Variants in TMC5 observed in about 807,000 individuals in gnomAD.
TMC5 encodes the protein transmembrane channel like 5, also known as transmembrane channel-like protein 5.
A neutral mutation model predicts 110.5 loss-of-function variants in TMC5; 86 were observed. The ratio of observed to expected loss-of-function variants is 0.78; its 90% CI spans 0.65 to 0.93. The LOEUF is 0.93. Among genes scored for constraint, TMC5 ranks in the 40% least tolerant of loss-of-function variants. The pLI is 0.00. For synonymous variants in TMC5, 455 were observed against 439.5 expected, an observed-to-expected ratio of 1.04 and a Z score of -0.44; for missense variants, 1,144 against 1,222.8, an observed-to-expected ratio of 0.94 and a Z score of 0.96.
At chr16:19,426,862 T>C (rs1389228634) in intron 1 of TMC5, among the ~76,000 whole-genome samples, 1 of 152,192 alleles carries the variant, frequency 6.6e-6, no homozygotes. Flanking sequence ...TTCTTAAACT[T>C]TGGCGCATAA....
intron 4 of TMC5, among the ~76,000 whole-genome samples, chr16:19,446,688 C>G (rs1429895579): frequency 6.6e-6 from 1 of 152,232 alleles, no homozygotes; most frequent in East Asian, 1.9e-4. Flanking sequence ...TACCCAAAAC[C>G]TGACCTCTTA....
chr16:19,425,370 A>G (rs958230634), intron 1 of TMC5, among the ~76,000 whole-genome samples: 30 of 147,902 alleles, frequency 2.0e-4, no homozygotes, highest in African/African-American at 7.3e-4. Context: ...GACTGCTCAC[A>G]GACAGGCCAG....
At position 19,474,139 on chromosome 16, in the gene TMC5, CAG is replaced by C; in HGVS notation, c.1954_1955del (p.Ser652Ter). The stretch of plus-strand genomic sequence containing the variant: ...ATCCCCTGCAGTTCCTGAAGACACA[CAG>C]TAACCCTGGGGCGGTGCTGTTACTG... ...EYNLEFLKTHSNPGAVLLLPF... is the reference protein window; with the variant it reads ...EYNLEFLKTHXNPGAVLLLPF... On this transcript the variant is annotated frameshift_variant, in exon 12 of 22. Transcript: ENST00000542583. LOFTEE classifies it high-confidence loss of function. The C allele has an allele frequency of 1.2e-6, 2 of 1,613,836 alleles. No individual in the cohort carries two copies. The highest frequency in any genetic ancestry group is 2.2e-5 in the South Asian group (2 of 91,048).
rs115336694 is a variant in TMC5 at position 19,491,196 on chromosome 16, A to G, written c.2747+628A>G. Among the ~76,000 whole-genome samples the G allele has an allele frequency of 7.6e-3, 1,150 of 152,074 alleles. 14 individuals are homozygous for G. Among genetic ancestry groups the G allele is most frequent in the African/African-American group, 0.026 (1,093 of 41,460 alleles). ...GGCTAATTTTTAAATTTTTTGGAGA[A>G]ATGGGGTCTCCCTGTGTTGCCCAGG... On this transcript the variant is annotated intron_variant, in intron 18 of 21. Transcript: ENST00000542583.
At chr16:19,475,802 C>CTTTTTTT (rs1032784346) in intron 12 of TMC5, among the ~76,000 whole-genome samples, 10 of 127,356 alleles carry the variant, frequency 7.9e-5, no homozygotes, top group East Asian at 4.5e-4. Context: ...AATTTTCTTT[C>CTTTTTTT]TTTTTTTTTT....
At chr16:19,464,064 C>G in intron 8 of TMC5, 40 bp downstream of exon 8, 1 of 1,597,574 alleles carries the variant, frequency 6.3e-7, no homozygotes, top group South Asian at 1.1e-5. Flanking sequence ...GCACCAATCA[C>G]CTCGGAAACC....
chr16:19,461,467 G>T (rs1189354106), intron 6 of TMC5, among the ~76,000 whole-genome samples: 1 of 152,038 alleles, frequency 6.6e-6, no homozygotes, highest in East Asian at 1.9e-4. Context: ...CCAGCTACTG[G>T]GGAGGCTGAG....
At chr16:19,489,347 T>C (rs1409009243) in intron 17 of TMC5, among the ~76,000 whole-genome samples, 2 of 152,006 alleles carry the variant, frequency 1.3e-5, no homozygotes, top group African/African-American at 4.8e-5. Context: ...TATTTTTTAT[T>C]TTTTTGAGAC....
At chr16:19,423,451 CCACTT>C (rs1967026578) in intron 1 of TMC5, among the ~76,000 whole-genome samples, 1 of 152,198 alleles carries the variant, frequency 6.6e-6, no homozygotes, top group Admixed American at 6.5e-5. Flanking sequence ...CGCTGACTCT[CCACTT>C]CATAAGAGAA....
At chr16:19,423,988 A>C (rs1234192777) in intron 1 of TMC5, among the ~76,000 whole-genome samples, 4 of 152,178 alleles carry the variant, frequency 2.6e-5, no homozygotes, top group African/African-American at 9.6e-5. Context: ...TCCTGACCTC[A>C]GGTGTTCTGC....
intron 7 of TMC5, 116 bp from the exon 8 acceptor site, chr16:19,463,660 T>C: frequency 1.6e-6 from 2 of 1,253,828 alleles, no homozygotes; most frequent in Middle Eastern, 2.1e-4. Context: ...CCTAGCATGG[T>C]GCCTGCACTT....
chr16:19,482,082 C>T (rs547329617), intron 15 of TMC5, among the ~76,000 whole-genome samples: 9 of 152,226 alleles, frequency 5.9e-5, no homozygotes, highest in East Asian at 1.9e-4. Flanking sequence ...ATTTTTTAGA[C>T]GGAGTCTCCC....
chr16:19,489,770 A>G (rs961457613), intron 17 of TMC5, among the ~76,000 whole-genome samples: 1 of 149,074 alleles, frequency 6.7e-6, no homozygotes, highest in African/African-American at 2.5e-5. Flanking sequence ...CAGGCGAGCC[A>G]CCATACTTGT....
chr16:19,491,372 G>A (rs1164672035), intron 18 of TMC5, among the ~76,000 whole-genome samples: 3 of 151,964 alleles, frequency 2.0e-5, no homozygotes, highest in Non-Finnish European at 4.4e-5. Flanking sequence ...TGTAGTCTGA[G>A]CTTCTTGGGA....
In TMC5 at chr16:19,498,678, T is replaced by G. The variant is rs1372234151; in HGVS notation, c.*712T>G. 1 of 152,196 alleles carries G rather than the reference T, an allele frequency of 6.6e-6. No individual in the cohort carries two copies. The highest frequency in any genetic ancestry group is 2.4e-5 in the African/African-American group (1 of 41,432). The allele number at this position is 152,196 out of a possible 1,614,324, so 9.4% of individuals were successfully genotyped here. On this transcript the variant is annotated 3_prime_UTR_variant, in exon 22 of 22. Transcript: ENST00000542583. ...ACGCGATTATTGCTAATTGGAAATT[T>G]TCCCAATACCCCACCGTGATGACTT...
At chr16:19,492,355 A>C in intron 19 of TMC5, 127 bp downstream of exon 19, 2 of 499,752 alleles carry the variant, frequency 4.0e-6, no homozygotes, top group Non-Finnish European at 7.0e-6. Context: ...AACAACCATC[A>C]ATGTTTTTAT....
intron 15 of TMC5, among the ~76,000 whole-genome samples, chr16:19,482,511 T>C (rs1968643338): frequency 6.6e-6 from 1 of 152,224 alleles, no homozygotes; most frequent in African/African-American, 2.4e-5. Flanking sequence ...TCCACAAAGA[T>C]CTGTGGCAAA....
At chr16:19,457,082 T>C (rs1326467466) in intron 5 of TMC5, 2 of 1,400,202 alleles carry the variant, frequency 1.4e-6, no homozygotes, top group African/African-American at 1.4e-5. Context: ...GTCCACAGCA[T>C]ATTTTACTTT....
At chr16:19,475,100 C>T (rs968700126) in intron 12 of TMC5, among the ~76,000 whole-genome samples, 4 of 152,156 alleles carry the variant, frequency 2.6e-5, no homozygotes, top group East Asian at 3.9e-4. Context: ...TTCCCTTACT[C>T]GTTCCTGGTT....
Sources: allele counts gnomAD v4.1 joint callset (sites outside exome capture counted in the v4.1 genomes callset), GRCh38; gene constraint gnomAD v4.1.1; transcripts MANE v1.5; gene names NCBI Gene and HGNC (gene_info 2026-07-23, HGNC 2026-07-21).